The following TDRD3 variants were observed in gnomAD, a reference collection of about 807,000 sequenced individuals.
The protein encoded by TDRD3 is tudor domain-containing protein 3.
A neutral mutation model predicts 86.7 loss-of-function variants in TDRD3; 45 were observed. The observed-to-expected ratio is 0.52, with a 90% CI of 0.41 to 0.67. The LOEUF (loss-of-function observed/expected upper bound fraction) is 0.67, where lower values mean the gene tolerates loss of function less well. Among genes scored for constraint, TDRD3 ranks in the 30% least tolerant of loss-of-function variants. TDRD3 has a pLI of 0.00. For synonymous variants in TDRD3, 298 were observed against 301.7 expected, an observed-to-expected ratio of 0.99 and a Z score of 0.13; for missense variants, 814 against 889.0, an observed-to-expected ratio of 0.92 and a Z score of 1.07.
chr13:60,553,553 TA>T (rs201762964), intron 12 of TDRD3, among the ~76,000 whole-genome samples: 6,546 of 124,622 alleles, frequency 0.053, 388 homozygotes, highest in African/African-American at 0.15. Flanking sequence ...TTTTTTTAAA[TA>T]AAAAAAAAAA....
chr13:60,519,799 A>G (rs553267174), intron 10 of TDRD3, among the ~76,000 whole-genome samples: 1 of 152,176 alleles, frequency 6.6e-6, no homozygotes, highest in African/African-American at 2.4e-5. Flanking sequence ...TTATAACTGT[A>G]CTCTGAGGTA....
At chr13:60,509,471 T>C (rs1595044897) in intron 8 of TDRD3, 1 of 237,376 alleles carries the variant, frequency 4.2e-6, no homozygotes, top group East Asian at 9.0e-5. Flanking sequence ...TTCTCCTCAC[T>C]GTCTATATTA....
chr13:60,408,705 G>C (rs1954291055), intron 1 of TDRD3, among the ~76,000 whole-genome samples: 1 of 152,182 alleles, frequency 6.6e-6, no homozygotes, highest in South Asian at 2.1e-4. Context: ...TTCAAAAGGT[G>C]ACTTGGGTGC....
intron 2 of TDRD3, among the ~76,000 whole-genome samples, chr13:60,443,584 A>G (rs1955332503): frequency 6.6e-6 from 1 of 151,976 alleles, no homozygotes; most frequent in Non-Finnish European, 1.5e-5. Flanking sequence ...GATATTTCAA[A>G]TAGGAGGATG....
At chr13:60,509,093 A>G (rs1956998361) in intron 8 of TDRD3, among the ~76,000 whole-genome samples, 1 of 152,230 alleles carries the variant, frequency 6.6e-6, no homozygotes, top group African/African-American at 2.4e-5. Flanking sequence ...ATAAAAGTTA[A>G]AGTTTTGTTT....
rs1483697352 is a variant in TDRD3, at chr13:60,483,762, A to AT, written c.496-7dup. 1.4e-5 allele frequency: 22 copies of AT among 1,598,356 alleles called. No individual in the cohort carries two copies. The highest frequency in any genetic ancestry group is 5.2e-5 in the Admixed American group (3 of 57,804). On this transcript the variant is annotated splice_polypyrimidine_tract_variant and intron_variant, in intron 5 of 13. Coordinates refer to ENST00000377881, the MANE Select transcript of TDRD3 (RefSeq NM_001146070.2). ...TGTATAACTGCTCTTTTGTGACTGG[A>AT]TTTTTTCCGCAGAGCTTATCAAAAC... is the stretch of plus-strand genomic sequence containing the variant.
chr13:60,430,162 G>A (rs1954917143), intron 1 of TDRD3, among the ~76,000 whole-genome samples: 1 of 152,148 alleles, frequency 6.6e-6, no homozygotes, highest in Non-Finnish European at 1.5e-5. Context: ...TCACTAAAAA[G>A]TGATAGTCTC....
intron 12 of TDRD3, among the ~76,000 whole-genome samples, chr13:60,551,449 T>C (rs1958050404): frequency 6.6e-6 from 1 of 152,208 alleles, no homozygotes; most frequent in African/African-American, 2.4e-5. Context: ...CAGTCTCTTT[T>C]ATTGTTCACC....
intron 11 of TDRD3, among the ~76,000 whole-genome samples, chr13:60,533,764 CA>C (rs1957636692): frequency 6.6e-6 from 1 of 152,164 alleles, no homozygotes; most frequent in African/African-American, 2.4e-5. Flanking sequence ...CTTTCCTAAG[CA>C]ACATTCAGAC....
At chr13:60,404,419 T>G (rs1461904763) in intron 1 of TDRD3, among the ~76,000 whole-genome samples, 1 of 149,044 alleles carries the variant, frequency 6.7e-6, no homozygotes, top group East Asian at 2.0e-4. Context: ...CACGCCATTC[T>G]CCTGCCTCAG....
At chr13:60,519,904 C>T (rs1957254572) in intron 10 of TDRD3, among the ~76,000 whole-genome samples, 1 of 152,088 alleles carries the variant, frequency 6.6e-6, no homozygotes, top group South Asian at 2.1e-4. Flanking sequence ...GCTTTGCATG[C>T]ATTTTACATG....
chr13:60,556,914 A>C (rs2137931364), intron 12 of TDRD3, among the ~76,000 whole-genome samples: 1 of 152,288 alleles, frequency 6.6e-6, no homozygotes, highest in Middle Eastern at 3.4e-3. Context: ...TGTAAATAGA[A>C]GTTCCAGAGG....
intron 5 of TDRD3, 28 bp downstream of exon 5, chr13:60,467,407 T>C (rs569045246): frequency 3.7e-6 from 6 of 1,607,250 alleles, no homozygotes; most frequent in Non-Finnish European, 5.1e-6. Context: ...CTTGAACTTT[T>C]GAAACATTAC....
chr13:60,522,122 G>A, intron 10 of TDRD3, among the ~76,000 whole-genome samples: 1 of 151,972 alleles, frequency 6.6e-6, no homozygotes, highest in Non-Finnish European at 1.5e-5. Context: ...TATGGAGAAT[G>A]TTTATAGATA....
Position 60,460,454 on chromosome 13 carries a change from G to T in TDRD3, c.267G>T (p.Gln89His), listed in dbSNP as rs1441450641. ...VAAPKDNEES[Q>H]AAPRMLRLQM... ...CACCAAAGGATAATGAAGAATCTCAGGCTGCACCAAGGATGCTGCGATTAC... is the reference window on the plus strand; with the variant it reads ...CACCAAAGGATAATGAAGAATCTCATGCTGCACCAAGGATGCTGCGATTAC... Residue 89 changes from glutamine (Q) to histidine (H), a missense_variant, in exon 4 of 14, where the codon CAG (glutamine) becomes CAT (histidine). Transcript: ENST00000377881. The T allele has an allele frequency of 6.2e-7, 1 of 1,601,000 alleles. No homozygotes were observed. Among genetic ancestry groups the T allele is most frequent in the South Asian group, 1.1e-5 (1 of 87,970 alleles).
chr13:60,523,741 T>A (rs1233590487), intron 10 of TDRD3, among the ~76,000 whole-genome samples: 1 of 151,952 alleles, frequency 6.6e-6, no homozygotes, highest in Non-Finnish European at 1.5e-5. Context: ...CACGCCCAGC[T>A]AATTTTTGTA....
chr13:60,494,336 A>G (rs954312913), intron 7 of TDRD3, 99 bp from the exon 8 acceptor site: 96 of 1,235,692 alleles, frequency 7.8e-5, no homozygotes, highest in South Asian at 8.0e-5. Flanking sequence ...ATAATTAGGA[A>G]ACTTAATTAC....
At chr13:60,563,366 A>C (rs1958382023) in intron 12 of TDRD3, among the ~76,000 whole-genome samples, 1 of 152,184 alleles carries the variant, frequency 6.6e-6, no homozygotes, top group Non-Finnish European at 1.5e-5. Context: ...CAGCATTTAC[A>C]TCTTAGGGGT....
chr13:60,544,696 A>G (rs148473795), intron 12 of TDRD3, among the ~76,000 whole-genome samples: 216 of 152,250 alleles, frequency 1.4e-3, no homozygotes, highest in African/African-American at 4.9e-3. Context: ...TCTTATTAGT[A>G]CTTAACTGCT....
Sources: gnomAD v4.1 joint callset for allele counts (sites outside exome capture counted in the v4.1 genomes callset) on GRCh38, gnomAD v4.1.1 for gene constraint, MANE v1.5 for transcripts, NCBI Gene and HGNC (gene_info 2026-07-23, HGNC 2026-07-21) for gene names.